The following GATAD2B variants were observed in gnomAD, a reference collection of about 807,000 sequenced individuals.
GATAD2B encodes the protein transcriptional repressor p66-beta.
GATAD2B carries 8 observed loss-of-function variants against 64.3 expected under a neutral mutation model. That is an observed-to-expected ratio of 0.12 (90% CI 0.07 to 0.22). The LOEUF (loss-of-function observed/expected upper bound fraction) is 0.22. Among genes scored for constraint, GATAD2B ranks in the 10% least tolerant of loss-of-function variants. The pLI is 1.00. For missense variants in GATAD2B, 453 were observed against 752.0 expected, an observed-to-expected ratio of 0.60 and a Z score of 4.65; for synonymous variants, 281 against 271.3, an observed-to-expected ratio of 1.04 and a Z score of -0.35.
At chr1:153,892,157 C>A (rs1677429980) in intron 1 of GATAD2B, among the ~76,000 whole-genome samples, 1 of 140,938 alleles carries the variant, frequency 7.1e-6, no homozygotes, top group Admixed American at 7.1e-5. Flanking sequence ...GAGTGAGACT[C>A]CGTCTCAAAA....
intron 1 of GATAD2B, among the ~76,000 whole-genome samples, chr1:153,894,602 C>T (rs1677523624): frequency 6.6e-6 from 1 of 152,160 alleles, no homozygotes; most frequent in South Asian, 2.1e-4. Context: ...GTGGCTCACG[C>T]CTGTAATCCT....
intron 1 of GATAD2B, among the ~76,000 whole-genome samples, chr1:153,921,666 G>A (rs1302849679): frequency 2.0e-5 from 3 of 152,054 alleles, no homozygotes; most frequent in African/African-American, 7.2e-5. Context: ...TGGTTCTCAG[G>A]AGGCTACCTG....
chr1:153,868,093 C>G (rs1676539659), intron 1 of GATAD2B, among the ~76,000 whole-genome samples: 1 of 151,798 alleles, frequency 6.6e-6, no homozygotes, highest in South Asian at 2.1e-4. Flanking sequence ...CCCAGCTACT[C>G]AGGAGGCTGA....
At chr1:153,901,614 C>G (rs1677775820) in intron 1 of GATAD2B, among the ~76,000 whole-genome samples, 1 of 151,742 alleles carries the variant, frequency 6.6e-6, no homozygotes, top group East Asian at 1.9e-4. Context: ...CATCTGAGGT[C>G]AGGAATTTGA....
At chr1:153,884,757 T>C (rs1677125822) in intron 1 of GATAD2B, among the ~76,000 whole-genome samples, 1 of 152,080 alleles carries the variant, frequency 6.6e-6, no homozygotes, top group Non-Finnish European at 1.5e-5. Context: ...TCCATTTTCT[T>C]TTTATTTATT....
intron 1 of GATAD2B, among the ~76,000 whole-genome samples, chr1:153,854,705 G>A (rs1272594155): frequency 6.6e-6 from 1 of 152,122 alleles, no homozygotes; most frequent in Non-Finnish European, 1.5e-5. Context: ...TATAAAATAT[G>A]CTGGTCTGGA....
rs574664316 is a variant in GATAD2B, at chr1:153,858,780, T to C, written c.-1-30432A>G. Among the ~76,000 whole-genome samples the C allele has an allele frequency of 3.3e-5, 5 of 152,196 alleles. No individual in the cohort carries two copies. In the East Asian group the frequency reaches 7.7e-4, roughly 24 times the overall value. On this transcript the variant is annotated intron_variant, in intron 1 of 10. Transcript: ENST00000368655. ...AATTGCATATGTATGTGGGTATATA[T>C]GTATGTTATGTATTTGTAAGTATCA...
At chr1:153,887,859 G>T (rs1677232071) in intron 1 of GATAD2B, among the ~76,000 whole-genome samples, 1 of 152,128 alleles carries the variant, frequency 6.6e-6, no homozygotes, top group Non-Finnish European at 1.5e-5. Flanking sequence ...GGCCAAGGCA[G>T]CTGGATCACT....
intron 1 of GATAD2B, among the ~76,000 whole-genome samples, chr1:153,830,297 G>A (rs1675027992): frequency 6.6e-6 from 1 of 151,426 alleles, no homozygotes; most frequent in African/African-American, 2.4e-5. Flanking sequence ...ATGGGTGTGT[G>A]CCACCACGTC....
intron 4 of GATAD2B, among the ~76,000 whole-genome samples, chr1:153,818,391 T>C (rs1410242384): frequency 1.3e-5 from 2 of 148,536 alleles, no homozygotes; most frequent in Non-Finnish European, 3.0e-5. Flanking sequence ...CTCGGCTCAC[T>C]GCAAGCTCCA....
At chr1:153,918,057 T>A (rs1369497103) in intron 1 of GATAD2B, among the ~76,000 whole-genome samples, 2 of 152,174 alleles carry the variant, frequency 1.3e-5, no homozygotes, top group Non-Finnish European at 2.9e-5. Context: ...CCTGCCAAGG[T>A]TCTAAGATAG....
At chr1:153,871,810 C>A (rs939360747) in intron 1 of GATAD2B, among the ~76,000 whole-genome samples, 4 of 152,036 alleles carry the variant, frequency 2.6e-5, no homozygotes, top group African/African-American at 9.7e-5. Context: ...TTTAGCAGGG[C>A]ATGGTGGCCC....
chr1:153,865,001 C>G (rs1676427811), intron 1 of GATAD2B, among the ~76,000 whole-genome samples: 1 of 151,974 alleles, frequency 6.6e-6, no homozygotes, highest in African/African-American at 2.4e-5. Context: ...ACCTGGGAGG[C>G]GGAGGTTGCG....
intron 1 of GATAD2B, among the ~76,000 whole-genome samples, chr1:153,841,275 A>C (rs2101901751): frequency 6.6e-6 from 1 of 152,274 alleles, no homozygotes; most frequent in African/African-American, 2.4e-5. Context: ...CAATAAGCAG[A>C]TCTTCAGATT....
chr1:153,887,021 CGG>C (rs1677205441), intron 1 of GATAD2B, among the ~76,000 whole-genome samples: 1 of 152,058 alleles, frequency 6.6e-6, no homozygotes, highest in African/African-American at 2.4e-5. Flanking sequence ...TGCTTTGAGT[CGG>C]TCCAGTCTAT....
intron 1 of GATAD2B, chr1:153,852,342 C>T: frequency 3.2e-6 from 3 of 927,632 alleles, no homozygotes; most frequent in Non-Finnish European, 5.4e-6. Flanking sequence ...CATTGCAGAA[C>T]ACTGAGTAGA....
chr1:153,862,889 T>C (rs1488679835), intron 1 of GATAD2B, among the ~76,000 whole-genome samples: 2 of 151,902 alleles, frequency 1.3e-5, no homozygotes, highest in Non-Finnish European at 2.9e-5. Flanking sequence ...CATACCCGGC[T>C]AATTTTGTAT....
chr1:153,852,642 G>T lies in GATAD2B; in HGVS notation c.-1-24294C>A, dbSNP rs543744339. On this transcript the variant is annotated intron_variant, in intron 1 of 10. Transcript: ENST00000368655. ...CCTGGCAAATTCAATCAAGTGAACAGAAGAACGGAGCTGAGAAATGGTCTC... is the reference window on the plus strand; with the variant it reads ...CCTGGCAAATTCAATCAAGTGAACATAAGAACGGAGCTGAGAAATGGTCTC... The T allele has an allele frequency of 8.4e-6, 7 of 830,046 alleles. No homozygotes were observed. The African/African-American group carries it at 1.0e-4, about 12-fold the overall frequency. 51.4% of individuals were successfully genotyped at this position (830,046 alleles called of 1,614,324 possible). A position where few individuals can be genotyped will look rare whatever the true frequency, so the allele number is the denominator to read the frequency against.
intron 1 of GATAD2B, among the ~76,000 whole-genome samples, chr1:153,898,353 AAAAG>A (rs1267194105): frequency 1.3e-5 from 2 of 151,532 alleles, no homozygotes; most frequent in Non-Finnish European, 2.9e-5. Flanking sequence ...AACAAAAACA[AAAAG>A]AAAAGAAAAA....
Sources: gnomAD v4.1 joint callset for allele counts (sites outside exome capture counted in the v4.1 genomes callset) on GRCh38, gnomAD v4.1.1 for gene constraint, MANE v1.5 for transcripts, NCBI Gene and HGNC (gene_info 2026-07-23, HGNC 2026-07-21) for gene names.